The following MLLT1 variants were observed in gnomAD, a reference collection of about 807,000 sequenced individuals.
MLLT1 encodes protein ENL.
Under a neutral mutation model 55.1 loss-of-function variants are expected in MLLT1, and 11 were observed. That is an observed-to-expected ratio of 0.20 (90% confidence interval 0.13 to 0.33). The LOEUF (loss-of-function observed/expected upper bound fraction) is 0.33. MLLT1 is among the 10% of genes least tolerant of loss of function. The pLI is 1.00. For missense variants in MLLT1, 536 were observed against 760.6 expected (o/e 0.70, Z 3.47); for synonymous variants, 323 against 320.1 (o/e 1.01, Z -0.10).
At chr19:6,217,931 C>T (rs1255487798) in intron 7 of MLLT1, 23 bp downstream of exon 7, 4 of 1,587,398 alleles carry the variant, frequency 2.5e-6, no homozygotes, top group Non-Finnish European at 2.6e-6. Context: ...CATCCGTGCC[C>T]CCCAGCTGCT....
At chr19:6,239,305 T>C (rs1276891255) in intron 3 of MLLT1, among the ~76,000 whole-genome samples, 1 of 152,186 alleles carries the variant, frequency 6.6e-6, no homozygotes, top group African/African-American at 2.4e-5. Context: ...CAGGATGCGA[T>C]CCGACCGAAA....
At chr19:6,257,610 C>T (rs58645797) in intron 3 of MLLT1, among the ~76,000 whole-genome samples, 3,893 of 152,100 alleles carry the variant, frequency 0.026, 149 homozygotes, top group East Asian at 0.14. Flanking sequence ...AGACCAGCCT[C>T]GCAAACATGG....
At chr19:6,255,478 C>G (rs968574241) in intron 3 of MLLT1, among the ~76,000 whole-genome samples, 7 of 152,038 alleles carry the variant, frequency 4.6e-5, no homozygotes, top group African/African-American at 1.7e-4. Context: ...AGGTGATGGA[C>G]AGACTCTGTC....
In MLLT1 at chr19:6,212,396, C is replaced by A; in HGVS notation, c.*646G>T. The stretch of plus-strand genomic sequence containing the variant: ...CCGCAGAGACATCTTAACCTACAAG[C>A]CCCACCGTACGCACCCCCCACCCAC... On this transcript the variant is annotated 3_prime_UTR_variant, in exon 12 of 12. Coordinates refer to ENST00000252674, the MANE Select transcript of MLLT1 (RefSeq NM_005934.4). 9.4e-7 allele frequency: 1 copy of A among 1,066,052 alleles called. No individual in the cohort carries two copies. The highest frequency in any genetic ancestry group is 1.6e-5 in the African/African-American group (1 of 61,232). 66.0% of individuals were successfully genotyped at this position (1,066,052 alleles called of 1,614,324 possible). A position where few individuals can be genotyped will look rare whatever the true frequency, so the allele number is the denominator to read the frequency against.
intron 2 of MLLT1, among the ~76,000 whole-genome samples, chr19:6,264,133 A>G (rs1045790306): frequency 2.6e-5 from 4 of 152,152 alleles, no homozygotes; most frequent in African/African-American, 9.7e-5. Flanking sequence ...TTACATCTCC[A>G]TAAAGCGGTT....
At chr19:6,265,032 G>A (rs1387822467) in intron 2 of MLLT1, among the ~76,000 whole-genome samples, 1 of 55,228 alleles carries the variant, frequency 1.8e-5, no homozygotes, top group South Asian at 5.6e-4. Context: ...AAAACATAGT[G>A]AACAGCAAAA....
rs565793316 is a variant in MLLT1 at position 6,240,187 on chromosome 19, G to A, written c.277-9474C>T. Among the ~76,000 whole-genome samples the A allele has an allele frequency of 3.6e-4, 55 of 152,318 alleles. No homozygotes were observed. Among genetic ancestry groups the A allele is most frequent in the Middle Eastern group, 3.4e-3 (1 of 294 alleles). On this transcript the variant is annotated intron_variant, in intron 3 of 11. Coordinates refer to ENST00000252674, the MANE Select transcript of MLLT1 (RefSeq NM_005934.4). This position sits in a 1 kb window ranked among gnomAD's most constrained non-coding sequence, Gnocchi z 4.7. ...CAGGCCCCTTCACGCCTGCCTGACC[G>A]CTCAGCCTGGGAGGCCAGGGAGACC...
In MLLT1 at chr19:6,230,870, G is replaced by A. The variant is rs184721510; in HGVS notation, c.277-157C>T. 6.6e-6 allele frequency among the ~76,000 whole-genome samples: 1 copy of A among 152,162 alleles called. No individual in the cohort carries two copies. Among genetic ancestry groups the A allele is most frequent in the African/African-American group, 2.4e-5 (1 of 41,524 alleles). On this transcript the variant is annotated intron_variant, in intron 3 of 11. Transcript: ENST00000252674. This position sits in a 1 kb window ranked among gnomAD's most constrained non-coding sequence, Gnocchi z 9.0. ...TCTCTCTCAGGGCACCTCCTGCCCT[G>A]CCCTTATTCAAAATCGACCAGCTTA...
At position 6,230,499 on chromosome 19, in the gene MLLT1, G is replaced by T. The variant is rs2090999111; in HGVS notation, c.420+71C>A. Reference sequence around the variant, plus strand: ...CCCCCAGCACCGACACCTCTGGCTGGGCACAGACGGCCGCAGCAAAGTAGC... The same window carrying T: ...CCCCCAGCACCGACACCTCTGGCTGTGCACAGACGGCCGCAGCAAAGTAGC... On this transcript the variant is annotated intron_variant, in intron 4 of 11. Transcript: ENST00000252674. This position sits in a 1 kb window ranked among gnomAD's most constrained non-coding sequence, Gnocchi z 9.0. 1.3e-6 allele frequency: 2 copies of T among 1,577,942 alleles called. No homozygotes were observed. The highest frequency in any genetic ancestry group is 1.7e-6 in the Non-Finnish European group (2 of 1,161,390).
chr19:6,264,071 A>G (rs2091327048), intron 2 of MLLT1, among the ~76,000 whole-genome samples: 1 of 152,156 alleles, frequency 6.6e-6, no homozygotes, highest in South Asian at 2.1e-4. Flanking sequence ...ATGTGAATAT[A>G]CTGAAAACGC....
intron 3 of MLLT1, among the ~76,000 whole-genome samples, chr19:6,239,363 T>A (rs2091093681): frequency 6.6e-6 from 1 of 152,194 alleles, no homozygotes; most frequent in South Asian, 2.1e-4. Flanking sequence ...GAGGCACCCC[T>A]GCAGAGGGAG....
Position 6,212,040 on chromosome 19 carries a change from C to T in MLLT1, c.*1002G>A, listed in dbSNP as rs1362240067. The T allele has an allele frequency of 2.8e-6, 3 of 1,065,932 alleles. No individual in the cohort carries two copies. Among genetic ancestry groups the T allele is most frequent in the Non-Finnish European group, 3.4e-6 (3 of 879,486 alleles). 66.0% of individuals were successfully genotyped at this position (1,065,932 alleles called of 1,614,324 possible). ...GCCTCAGAAAACTCCATAAACTATCCCGTCTTATTTGGCAAAAGCTCATAT... is the reference window on the plus strand; with the variant it reads ...GCCTCAGAAAACTCCATAAACTATCTCGTCTTATTTGGCAAAAGCTCATAT... On this transcript the variant is annotated 3_prime_UTR_variant, in exon 12 of 12. Coordinates refer to ENST00000252674, the MANE Select transcript of MLLT1 (RefSeq NM_005934.4).
In MLLT1 at chr19:6,211,683, G is replaced by A; in HGVS notation, c.*1359C>T. On this transcript the variant is annotated 3_prime_UTR_variant, in exon 12 of 12. Coordinates refer to ENST00000252674, the MANE Select transcript of MLLT1 (RefSeq NM_005934.4). The surrounding 1 kb of genome is among the most constrained non-coding windows in gnomAD (Gnocchi z 4.6). ...TGAAAGTCAGGGGGTTGAGAGGACTGGAGGCGCCTCGAGTCAATGTCTGGG... is the reference window on the plus strand; with the variant it reads ...TGAAAGTCAGGGGGTTGAGAGGACTAGAGGCGCCTCGAGTCAATGTCTGGG... The A allele has an allele frequency of 7.5e-6, 8 of 1,064,604 alleles. No homozygotes were observed. The highest frequency in any genetic ancestry group is 8.0e-6 in the Non-Finnish European group (7 of 878,804). 65.9% of individuals were successfully genotyped at this position (1,064,604 alleles called of 1,614,324 possible). A position where few individuals can be genotyped will look rare whatever the true frequency, so the allele number is the denominator to read the frequency against.
At position 6,222,471 on chromosome 19, in the gene MLLT1, G is replaced by A; in HGVS notation, c.760C>T (p.Pro254Ser). Reference sequence around the variant, plus strand: ...TTGGTCTCTTTCAGGGCCATCTTGGGTTCCTTGAAGGCAGCCTTGGGCGGT... The same window carrying A: ...TTGGTCTCTTTCAGGGCCATCTTGGATTCCTTGAAGGCAGCCTTGGGCGGT... ...APPPKAAFKE[P>S]KMALKETKLE... Residue 254 changes from proline (P) to serine (S), a missense_variant, in exon 6 of 12, where the codon CCC becomes TCC. Pro to Ser is a moderately conservative substitution (Grantham distance 74, BLOSUM62 -1). This residue lies in a region of MLLT1 where 449 missense variants were observed against 489.0 expected (regional missense o/e 0.92). Coordinates refer to ENST00000252674, the MANE Select transcript of MLLT1 (RefSeq NM_005934.4). This position sits in a 1 kb window ranked among gnomAD's most constrained non-coding sequence, Gnocchi z 4.1. The A allele has an allele frequency of 6.3e-7, 1 of 1,589,058 alleles. No homozygotes were observed. Among genetic ancestry groups the A allele is most frequent in the Non-Finnish European group, 8.5e-7 (1 of 1,173,376 alleles).
rs2090915230 is a variant in MLLT1, at chr19:6,222,740, G to A, written c.547-56C>T. On this transcript the variant is annotated intron_variant, in intron 5 of 11. Transcript: ENST00000252674. The surrounding 1 kb of genome is among the most constrained non-coding windows in gnomAD (Gnocchi z 4.1). ...GAGAGACAAGGTCACGTGGCATTGC[G>A]GGGCGCCCTGCTCCGCCACCCCTGA... 1.9e-5 allele frequency: 27 copies of A among 1,440,818 alleles called. No homozygotes were observed. The highest frequency in any genetic ancestry group is 2.5e-5 in the Non-Finnish European group (27 of 1,088,882). 89.3% of individuals were successfully genotyped at this position (1,440,818 alleles called of 1,614,324 possible).
intron 8 of MLLT1, among the ~76,000 whole-genome samples, chr19:6,214,795 C>T (rs1466086621): frequency 6.6e-6 from 1 of 152,328 alleles, no homozygotes; most frequent in East Asian, 1.9e-4. Context: ...ACACAGCAAA[C>T]CCCAGGCCTC....
chr19:6,224,112 C>T (rs558494887), intron 5 of MLLT1, among the ~76,000 whole-genome samples: 21 of 152,196 alleles, frequency 1.4e-4, no homozygotes, highest in Non-Finnish European at 2.5e-4. Flanking sequence ...ACAGACTCCT[C>T]CCAGCAAAAA....
intron 5 of MLLT1, among the ~76,000 whole-genome samples, chr19:6,225,966 C>T (rs1422179427): frequency 6.6e-6 from 1 of 152,220 alleles, no homozygotes; most frequent in Admixed American, 6.5e-5. Context: ...AGTGGGGAGA[C>T]CCCAGGGTTC....
At chr19:6,217,264 GC>G (rs1172657719) in intron 7 of MLLT1, among the ~76,000 whole-genome samples, 1 of 152,102 alleles carries the variant, frequency 6.6e-6, no homozygotes. Context: ...CTCTCCCCCA[GC>G]CCCCCTGCAA....
Sources: gnomAD v4.1 joint callset for allele counts (sites outside exome capture counted in the v4.1 genomes callset) on GRCh38, gnomAD v4.1.1 for gene constraint, gnomAD v4.1.1 regional missense constraint, Gnocchi (gnomAD v3.1) non-coding constraint, MANE v1.5 for transcripts, NCBI Gene and HGNC (gene_info 2026-07-23, HGNC 2026-07-21) for gene names.